The following ABLIM2 variants were observed in gnomAD, a reference collection of about 807,000 sequenced individuals.
The protein encoded by ABLIM2 is actin binding LIM protein family member 2, also known as actin-binding LIM protein 2.
Under a neutral mutation model 97.7 loss-of-function variants are expected in ABLIM2, and 53 were observed. The observed-to-expected ratio is 0.54, with a 90% confidence interval of 0.44 to 0.68. The LOEUF (loss-of-function observed/expected upper bound fraction) is 0.68. Among genes scored for constraint, ABLIM2 ranks in the 30% least tolerant of loss-of-function variants. The pLI, the probability that ABLIM2 is intolerant of heterozygous loss-of-function variation, is 0.00. For missense variants in ABLIM2, 835 were observed against 867.2 expected, an observed-to-expected ratio of 0.96 and a Z score of 0.47; for synonymous variants, 361 against 345.8, an observed-to-expected ratio of 1.04 and a Z score of -0.49.
chr4:8,143,429 G>A (rs948986294), intron 1 of ABLIM2, among the ~76,000 whole-genome samples: 2 of 152,122 alleles, frequency 1.3e-5, no homozygotes, highest in Non-Finnish European at 2.9e-5. Context: ...CCTGCACCCT[G>A]CACCCTACCC....
At chr4:8,111,087 A>C (rs1032021946) in intron 1 of ABLIM2, among the ~76,000 whole-genome samples, 18 of 152,222 alleles carry the variant, frequency 1.2e-4, no homozygotes, top group African/African-American at 4.3e-4. Context: ...TAAAAAGAGA[A>C]GTTTCAAGTG....
rs71175445 is a variant in ABLIM2, at chr4:7,989,072, C to CTTTT, written c.1680+3790_1680+3793dup. 5.6e-3 allele frequency among the ~76,000 whole-genome samples: 454 copies of CTTTT among 81,350 alleles called. 10 individuals are homozygous for CTTTT. Among genetic ancestry groups the CTTTT allele is most frequent in the Middle Eastern group, 0.012 (1 of 82 alleles). The allele number at this position is 81,350 out of a possible 152,430, so 53.4% of individuals were successfully genotyped here. ...TTTTTTGTTCACTAGACACATTAGT[C>CTTTT]TTTTTTTTTTTTTTTTTTTTTTTGA... On this transcript the variant is annotated intron_variant, in intron 17 of 20. Transcript: ENST00000447017.
At chr4:7,982,701 C>CATTATTATT (rs59501197) in intron 20 of ABLIM2, among the ~76,000 whole-genome samples, 18 of 151,048 alleles carry the variant, frequency 1.2e-4, no homozygotes, top group Non-Finnish European at 2.1e-4. Context: ...CTGCAGAGCT[C>CATTATTATT]ATTATTATTA....
chr4:7,990,462 A>T (rs1293789763), intron 17 of ABLIM2, among the ~76,000 whole-genome samples: 1 of 152,176 alleles, frequency 6.6e-6, no homozygotes, highest in Admixed American at 6.5e-5. Context: ...CTGAGATTAC[A>T]GGTATGAGCA....
intron 1 of ABLIM2, among the ~76,000 whole-genome samples, chr4:8,109,344 C>T (rs1169730224): frequency 1.3e-5 from 2 of 152,260 alleles, no homozygotes; most frequent in South Asian, 4.1e-4. Flanking sequence ...TGCCCCCCTT[C>T]ATTTGAGGGC....
At position 7,980,941 on chromosome 4, in the gene ABLIM2, A is replaced by ATTTTTT. The variant is rs1167615555; in HGVS notation, c.1824+2317_1824+2322dup. On this transcript the variant is annotated intron_variant, in intron 20 of 20. Coordinates refer to ENST00000447017, the MANE Select transcript of ABLIM2 (RefSeq NM_001130083.2). ...AGAACCATGGTCTCCACAACCCCTT[A>ATTTTTT]TTTTTTTTTTTTTTTTTTTTGAGAT... Among the ~76,000 whole-genome samples, 367 of 82,892 alleles carry ATTTTTT rather than the reference A, an allele frequency of 4.4e-3. 47 individuals are homozygous for ATTTTTT. Among genetic ancestry groups the ATTTTTT allele is most frequent in the South Asian group, 6.0e-3 (15 of 2,514 alleles). 54.4% of individuals were successfully genotyped at this position (82,892 alleles called of 152,430 possible).
rs1822966482 is a variant in ABLIM2 at position 8,085,564 on chromosome 4, G to A, written c.454+2605C>T. Among the ~76,000 whole-genome samples the A allele has an allele frequency of 6.7e-6, 1 of 149,602 alleles. No homozygotes were observed. ...AGCCCCGTCCACTCACATGGCTCTGGGGGTGCCCACGCTGCAGCCCCGTCC... is the reference window on the plus strand; with the variant it reads ...AGCCCCGTCCACTCACATGGCTCTGAGGGTGCCCACGCTGCAGCCCCGTCC... On this transcript the variant is annotated intron_variant, in intron 4 of 20. Transcript: ENST00000447017. This position sits in a 1 kb window ranked among gnomAD's most constrained non-coding sequence, Gnocchi z 6.1.
intron 16 of ABLIM2, among the ~76,000 whole-genome samples, chr4:8,000,866 G>C (rs1009698592): frequency 9.2e-5 from 14 of 151,984 alleles, no homozygotes; most frequent in African/African-American, 3.4e-4. Context: ...CCCTGAGCCT[G>C]TTCTCTGCGG....
rs911160173 is a variant in ABLIM2, at chr4:8,044,573, C to A, written c.900+591G>T. ...ACCACCCAGAGGAAATTTCTGGTAA[C>A]AACTTGTTAAAATGTTTTCAATCAT... On this transcript the variant is annotated intron_variant, in intron 9 of 20. Coordinates refer to ENST00000447017, the MANE Select transcript of ABLIM2 (RefSeq NM_001130083.2). The surrounding 1 kb of genome is among the most constrained non-coding windows in gnomAD (Gnocchi z 4.4). Among the ~76,000 whole-genome samples, 2 of 151,502 alleles carry A rather than the reference C, an allele frequency of 1.3e-5. No homozygotes were observed. The highest frequency in any genetic ancestry group is 4.9e-5 in the African/African-American group (2 of 41,146).
In ABLIM2 at chr4:8,054,362, C is replaced by A; in HGVS notation, c.764-116G>T. 1 of 1,112,126 alleles carries A rather than the reference C, an allele frequency of 9.0e-7. No individual in the cohort carries two copies. The allele number at this position is 1,112,126 out of a possible 1,614,324, so 68.9% of individuals were successfully genotyped here. A position where few individuals can be genotyped will look rare whatever the true frequency, so the allele number is the denominator to read the frequency against. On this transcript the variant is annotated intron_variant, in intron 7 of 20. Transcript: ENST00000447017. This position sits in a 1 kb window ranked among gnomAD's most constrained non-coding sequence, Gnocchi z 4.9. ...TGCACAGACGTGCACTCGGACTCCA[C>A]CCTCCAAGCGGCCCTGAGCATCCTC...
rs140910816 is a variant in ABLIM2 at position 8,085,873 on chromosome 4, G to A, written c.454+2296C>T. 1.3e-5 allele frequency among the ~76,000 whole-genome samples: 2 copies of A among 152,196 alleles called. No individual in the cohort carries two copies. Among genetic ancestry groups the A allele is most frequent in the African/African-American group, 2.4e-5 (1 of 41,448 alleles). On this transcript the variant is annotated intron_variant, in intron 4 of 20. Coordinates refer to ENST00000447017, the MANE Select transcript of ABLIM2 (RefSeq NM_001130083.2). The surrounding 1 kb of genome is among the most constrained non-coding windows in gnomAD (Gnocchi z 6.1). ...ACCTTGGACAGCCTCTAGTCCTAGT[G>A]GGGTGAGCTCACTTGCTTTGGAGTT...
chr4:8,070,466 C>T (rs1245034685), intron 6 of ABLIM2, among the ~76,000 whole-genome samples: 1 of 152,058 alleles, frequency 6.6e-6, no homozygotes, highest in Non-Finnish European at 1.5e-5. Flanking sequence ...GTCGCTATCA[C>T]CTCTACCCAT....
chr4:8,092,731 C>T (rs141632823), intron 3 of ABLIM2, among the ~76,000 whole-genome samples: 23 of 152,296 alleles, frequency 1.5e-4, no homozygotes, highest in East Asian at 3.9e-4. Context: ...AGTGCTCCTG[C>T]GGCTTGCGTT....
rs960359714 is a variant in ABLIM2 at position 7,966,162 on chromosome 4, T to G, written c.*828A>C. 3.9e-5 allele frequency: 6 copies of G among 152,608 alleles called. No individual in the cohort carries two copies. The highest frequency in any genetic ancestry group is 3.9e-4 in the Admixed American group (6 of 15,306). 9.5% of individuals were successfully genotyped at this position (152,608 alleles called of 1,614,324 possible). A position where few individuals can be genotyped will look rare whatever the true frequency, so the allele number is the denominator to read the frequency against. On this transcript the variant is annotated 3_prime_UTR_variant, in exon 21 of 21. Transcript: ENST00000447017. ...AAAAGAAACTAGACAGGGAGCTCTG[T>G]GTATGAGGACCACACCAAGAACAGA...
At chr4:8,091,814 A>AATAAT (rs1448655544) in intron 3 of ABLIM2, among the ~76,000 whole-genome samples, 3 of 71,620 alleles carry the variant, frequency 4.2e-5, no homozygotes, top group Non-Finnish European at 6.2e-5. Context: ...ATTATATATT[A>AATAAT]TATAATATAT....
At chr4:8,143,748 C>G (rs146156263) in intron 1 of ABLIM2, among the ~76,000 whole-genome samples, 21 of 152,292 alleles carry the variant, frequency 1.4e-4, no homozygotes, top group Non-Finnish European at 2.1e-4. Context: ...GCCTCCAGTG[C>G]CCAGCAAGAG....
chr4:8,016,493 C>T (rs985430649), intron 14 of ABLIM2, among the ~76,000 whole-genome samples: 1 of 152,146 alleles, frequency 6.6e-6, no homozygotes. Flanking sequence ...GTCCCATTTT[C>T]CAGGGGAGAC....
At chr4:8,064,249 T>C (rs1030241643) in intron 6 of ABLIM2, among the ~76,000 whole-genome samples, 1 of 152,258 alleles carries the variant, frequency 6.6e-6, no homozygotes, top group Non-Finnish European at 1.5e-5. Flanking sequence ...GCATTTGTTT[T>C]CAACATCCCC....
intron 7 of ABLIM2, among the ~76,000 whole-genome samples, chr4:8,055,699 G>A (rs553558570): frequency 7.2e-5 from 11 of 152,340 alleles, no homozygotes; most frequent in Admixed American, 1.3e-4. Context: ...ATTTCATGGC[G>A]GCTCGTTTCT....
Sources: gnomAD v4.1 joint callset for allele counts (sites outside exome capture counted in the v4.1 genomes callset) on GRCh38, gnomAD v4.1.1 for gene constraint, Gnocchi (gnomAD v3.1) non-coding constraint, MANE v1.5 for transcripts, NCBI Gene and HGNC (gene_info 2026-07-23, HGNC 2026-07-21) for gene names.